ERC2: variants seen among roughly 807,000 people sequenced by gnomAD.
ERC2 encodes the protein ERC protein 2.
In ERC2, 42 loss-of-function variants were observed where a neutral mutation model predicts 114.8. That is an observed-to-expected ratio of 0.37 (90% CI 0.29 to 0.47). The LOEUF is 0.47. Among genes scored for constraint, ERC2 ranks in the 20% least tolerant of loss-of-function variants. ERC2 has a pLI of 0.99. For synonymous variants in ERC2, 454 were observed against 425.5 expected (o/e 1.07, Z -0.82); for missense variants, 939 against 1,150.7 (o/e 0.82, Z 2.66).
intron 7 of ERC2, among the ~76,000 whole-genome samples, chr3:56,053,368 G>C (rs1325575119): frequency 6.6e-6 from 1 of 152,148 alleles, no homozygotes; most frequent in Non-Finnish European, 1.5e-5. Context: ...GTGAGGGATG[G>C]GGAGAAGTGG....
At chr3:55,878,298 G>C (rs1381361644) in intron 14 of ERC2, among the ~76,000 whole-genome samples, 1 of 152,084 alleles carries the variant, frequency 6.6e-6, no homozygotes, top group Non-Finnish European at 1.5e-5. Context: ...TATACATACA[G>C]TGCATGTTTT....
chr3:56,279,556 A>G (rs900208924), intron 3 of ERC2, among the ~76,000 whole-genome samples: 2 of 152,250 alleles, frequency 1.3e-5, no homozygotes, highest in Non-Finnish European at 2.9e-5. Context: ...CAGCAAAGCC[A>G]GAGTTTAAGC....
intron 2 of ERC2, among the ~76,000 whole-genome samples, chr3:56,416,738 T>G (rs997813554): frequency 6.7e-6 from 1 of 150,284 alleles, no homozygotes; most frequent in African/African-American, 2.5e-5. Context: ...CCCCAGTGGC[T>G]CAAGACTCCT....
intron 2 of ERC2, among the ~76,000 whole-genome samples, chr3:56,414,737 A>G (rs2061081813): frequency 6.6e-6 from 1 of 151,418 alleles, no homozygotes; most frequent in Middle Eastern, 3.2e-3. Flanking sequence ...AAAAAAAAAA[A>G]AGAAAAGAAA....
intron 3 of ERC2, among the ~76,000 whole-genome samples, chr3:56,266,810 G>C (rs1347037198): frequency 6.6e-6 from 1 of 152,184 alleles, no homozygotes; most frequent in Non-Finnish European, 1.5e-5. Flanking sequence ...CTTAAATACT[G>C]TTGGTCAGAA....
intron 3 of ERC2, among the ~76,000 whole-genome samples, chr3:56,261,895 G>T (rs991512500): frequency 6.6e-6 from 1 of 152,090 alleles, no homozygotes; most frequent in Admixed American, 6.5e-5. Flanking sequence ...CCCAGTGTGT[G>T]TTGTTCCCCT....
chr3:56,364,201 C>CA (rs1560676421), intron 2 of ERC2, among the ~76,000 whole-genome samples: 1 of 151,948 alleles, frequency 6.6e-6, no homozygotes, highest in African/African-American at 2.4e-5. Context: ...TTCATAGACT[C>CA]AAAAAAGTAA....
chr3:55,992,344 A>G (rs2071143937), intron 10 of ERC2, 94 bp from the exon 11 acceptor site: 3 of 1,140,130 alleles, frequency 2.6e-6, no homozygotes, highest in Non-Finnish European at 3.7e-6. Context: ...AACTTTGGAG[A>G]GAAAATCACC....
chr3:55,616,521 T>TAC (rs1402870089), intron 17 of ERC2, among the ~76,000 whole-genome samples: 1 of 152,118 alleles, frequency 6.6e-6, no homozygotes, highest in African/African-American at 2.4e-5. Flanking sequence ...TATATATATA[T>TAC]ACACTACATA....
chr3:56,027,757 A>G (rs900599230), intron 7 of ERC2, among the ~76,000 whole-genome samples: 10 of 152,238 alleles, frequency 6.6e-5, no homozygotes, highest in African/African-American at 2.2e-4. Flanking sequence ...CTCCAAGTCT[A>G]TGGCTTGTCT....
chr3:56,270,682 T>C (rs1380279155), intron 3 of ERC2, among the ~76,000 whole-genome samples: 3 of 152,032 alleles, frequency 2.0e-5, no homozygotes, highest in African/African-American at 7.3e-5. Flanking sequence ...ACAAGGCCTA[T>C]AAAAGACCAG....
intron 14 of ERC2, among the ~76,000 whole-genome samples, chr3:55,808,701 T>TA (rs2059584205): frequency 1.6e-5 from 1 of 61,738 alleles, no homozygotes; most frequent in Non-Finnish European, 2.9e-5. Flanking sequence ...TACCATAATT[T>TA]TATATATATA....
At chr3:56,092,203 G>C (rs930835889) in intron 6 of ERC2, among the ~76,000 whole-genome samples, 6 of 152,070 alleles carry the variant, frequency 3.9e-5, no homozygotes, top group African/African-American at 1.4e-4. Context: ...TAACACAGTC[G>C]AGATTTTCAG....
chr3:55,583,544 TCTTCCTTCCTTCCTTCCTTC>T (rs377125700), intron 17 of ERC2, among the ~76,000 whole-genome samples: 1 of 39,028 alleles, frequency 2.6e-5, no homozygotes, highest in Non-Finnish European at 4.6e-5. Context: ...TTCCTTCCTT[TCTTCCTTCCTTCCTTCCTTC>T]CTTCCTTCCT....
chr3:56,431,395 C>T (rs921204269), intron 2 of ERC2, among the ~76,000 whole-genome samples: 1 of 152,160 alleles, frequency 6.6e-6, no homozygotes. Context: ...ACCAATGTGC[C>T]ATCTCCAGTC....
At chr3:55,789,456 A>T (rs536010459) in intron 14 of ERC2, among the ~76,000 whole-genome samples, 1 of 152,340 alleles carries the variant, frequency 6.6e-6, no homozygotes, top group South Asian at 2.1e-4. Context: ...AGCAATTTTC[A>T]AGATAAGATC....
chr3:55,626,608 T>G (rs2059532839), intron 17 of ERC2, among the ~76,000 whole-genome samples: 1 of 152,228 alleles, frequency 6.6e-6, no homozygotes, highest in Non-Finnish European at 1.5e-5. Context: ...AGAAGGAAAT[T>G]CATGGCTTCT....
intron 15 of ERC2, among the ~76,000 whole-genome samples, chr3:55,713,574 T>C (rs1559536948): frequency 6.6e-6 from 1 of 152,230 alleles, no homozygotes; most frequent in East Asian, 1.9e-4. Context: ...TAGTTTCATC[T>C]CGCTGAGATG....
intron 7 of ERC2, among the ~76,000 whole-genome samples, chr3:56,029,861 A>G (rs1229757547): frequency 1.3e-5 from 2 of 151,698 alleles, no homozygotes; most frequent in Non-Finnish European, 2.9e-5. Context: ...CCCTCTACTT[A>G]GTTTCGGTTT....
Sources: gnomAD v4.1 joint callset for allele counts (sites outside exome capture counted in the v4.1 genomes callset) on GRCh38, gnomAD v4.1.1 for gene constraint, MANE v1.5 for transcripts, NCBI Gene and HGNC (gene_info 2026-07-23, HGNC 2026-07-21) for gene names.